Variants in KANK1 observed in about 807,000 individuals in gnomAD.
KANK1 encodes the protein KN motif and ankyrin repeat domain-containing protein 1.
KANK1 carries 109 observed loss-of-function variants against 106.2 expected under a neutral mutation model. The observed-to-expected ratio is 1.03, with a 90% CI of 0.88 to 1.20. The LOEUF is 1.20. Ranked by LOEUF, KANK1 falls within the 50% of genes most tolerant of loss-of-function variation. The pLI is 0.00. For synonymous variants in KANK1, 873 were observed against 652.2 expected (o/e 1.34, Z -5.16); for missense variants, 2,399 against 1,710.7 (o/e 1.40, Z -7.10).
In KANK1 at chr9:738,502, C is replaced by T; in HGVS notation, c.3551C>T (p.Ala1184Val). The T allele has an allele frequency of 6.2e-7, 1 of 1,612,064 alleles. No individual in the cohort carries two copies. The highest frequency in any genetic ancestry group is 8.5e-7 in the Non-Finnish European group (1 of 1,178,112). The part of the protein sequence containing the change: ...NFEIVKLLLD[A>V]DVCNVDHQNK... ...GAGATTGTGAAGCTGCTGTTAGATG[C>T]CGGTATGTTGGCTGCCCTTCCACCC... The change falls in exon 8 of 12, where the codon GCC becomes GTC. Residue 1184 changes from alanine (A) to valine (V), a missense_variant and splice_region_variant. Coordinates refer to ENST00000382297, the MANE Select transcript of KANK1 (RefSeq NM_015158.5).
At chr9:622,405 C>T (rs1833355989) in intron 1 of KANK1, among the ~76,000 whole-genome samples, 1 of 152,048 alleles carries the variant, frequency 6.6e-6, no homozygotes, top group South Asian at 2.1e-4. Context: ...ATGATAAATG[C>T]ATAATGACCT....
intron 2 of KANK1, among the ~76,000 whole-genome samples, chr9:680,071 G>A (rs148868933): frequency 6.6e-6 from 1 of 152,264 alleles, no homozygotes; most frequent in African/African-American, 2.4e-5. Context: ...AAAAGGATAA[G>A]CTATTTGGGT....
At chr9:577,963 T>A (rs1207048338) in intron 1 of KANK1, among the ~76,000 whole-genome samples, 1 of 152,186 alleles carries the variant, frequency 6.6e-6, no homozygotes. Flanking sequence ...TGTTGATCAT[T>A]ACCTGTGCAC....
chr9:690,898 C>CGTCA (rs1819753221), intron 2 of KANK1, among the ~76,000 whole-genome samples: 1 of 152,184 alleles, frequency 6.6e-6, no homozygotes, highest in Non-Finnish European at 1.5e-5. Context: ...TCTCACTGGG[C>CGTCA]GTCACCTTTT....
intron 1 of KANK1, among the ~76,000 whole-genome samples, chr9:622,654 A>G (rs1369880883): frequency 6.6e-6 from 1 of 152,206 alleles, no homozygotes; most frequent in East Asian, 1.9e-4. Flanking sequence ...CTGTAATCCC[A>G]GCACTTTGGG....
chr9:565,215 C>A (rs1464728124), intron 1 of KANK1, among the ~76,000 whole-genome samples: 1 of 152,172 alleles, frequency 6.6e-6, no homozygotes, highest in Non-Finnish European at 1.5e-5. Context: ...TAAGATCTTT[C>A]CCACCCATTC....
intron 1 of KANK1, chr9:539,590 A>C (rs1176132113): frequency 6.6e-6 from 1 of 152,210 alleles, no homozygotes; most frequent in East Asian, 1.9e-4. Flanking sequence ...TCCTGGGCTC[A>C]AGTGATCCTC....
At chr9:489,270 G>C (rs1445752641) in intron 3 of KANK1, among the ~76,000 whole-genome samples, 1 of 151,944 alleles carries the variant, frequency 6.6e-6, no homozygotes, top group African/African-American at 2.4e-5. Flanking sequence ...TTTTGGAAAG[G>C]CCTTTCTGAT....
chr9:603,279 A>T (rs1302615981), intron 1 of KANK1, among the ~76,000 whole-genome samples: 2 of 151,870 alleles, frequency 1.3e-5, no homozygotes, highest in Non-Finnish European at 2.9e-5. Context: ...CTGGCAGATA[A>T]AGCCTAGTAT....
At chr9:512,807 G>A (rs1426251473) in intron 1 of KANK1, among the ~76,000 whole-genome samples, 3 of 152,108 alleles carry the variant, frequency 2.0e-5, no homozygotes, top group Non-Finnish European at 4.4e-5. Flanking sequence ...TTAACTTCCT[G>A]CTAAGGAAGA....
chr9:501,639 CA>C (rs1235853614), upstream of KANK1, among the ~76,000 whole-genome samples: 4 of 151,418 alleles, frequency 2.6e-5, no homozygotes, highest in African/African-American at 7.3e-5. Flanking sequence ...CACACACACA[CA>C]CCCCAATTGC....
chr9:518,013 C>T (rs963408244), intron 1 of KANK1, among the ~76,000 whole-genome samples: 1 of 151,660 alleles, frequency 6.6e-6, no homozygotes, highest in Non-Finnish European at 1.5e-5. Context: ...GCTGGGATTA[C>T]AGGCATGAGC....
At position 522,211 on chromosome 9, in the gene KANK1, T is replaced by C. The variant is rs189471210; in HGVS notation, c.-84+17457T>C. On this transcript the variant is annotated intron_variant, in intron 1 of 11. Transcript: ENST00000382297. ...ATTTAGGTCTCATTTTACGATTCTG[T>C]TTTCCCTTTTGCTGAATTTATTTAT... Among the ~76,000 whole-genome samples the C allele has an allele frequency of 5.3e-5, 8 of 151,992 alleles. No homozygotes were observed. The East Asian group carries it at 1.5e-3, about 29-fold the overall frequency.
intron 1 of KANK1, among the ~76,000 whole-genome samples, chr9:609,104 A>G (rs1830000439): frequency 6.6e-6 from 1 of 151,686 alleles, no homozygotes; most frequent in African/African-American, 2.4e-5. Flanking sequence ...CTAACCCTTC[A>G]GAAAGCTGGC....
At chr9:570,896 A>G (rs902819070) in intron 1 of KANK1, among the ~76,000 whole-genome samples, 1 of 152,206 alleles carries the variant, frequency 6.6e-6, no homozygotes, top group Non-Finnish European at 1.5e-5. Context: ...TGCTATTATA[A>G]TGGGCAGTGA....
intron 1 of KANK1, among the ~76,000 whole-genome samples, chr9:563,628 C>G (rs10491602): frequency 0.035 from 5,284 of 152,216 alleles, 116 homozygotes; most frequent in Non-Finnish European, 0.055. Flanking sequence ...TAGACCCATT[C>G]GTTTCTTATC....
At chr9:678,728 A>T (rs1816901227) in intron 2 of KANK1, among the ~76,000 whole-genome samples, 2 of 152,184 alleles carry the variant, frequency 1.3e-5, no homozygotes, top group South Asian at 4.1e-4. Flanking sequence ...TCCATATCAA[A>T]AAATAAAATA....
chr9:666,357 T>C (rs997638620), intron 1 of KANK1, among the ~76,000 whole-genome samples: 1 of 152,198 alleles, frequency 6.6e-6, no homozygotes, highest in Non-Finnish European at 1.5e-5. Context: ...TCTAATAGTT[T>C]TTTGGTTTTT....
intron 1 of KANK1, among the ~76,000 whole-genome samples, chr9:606,439 T>C (rs2804304): frequency 0.73 from 107,244 of 146,062 alleles, 41,193 homozygotes; most frequent in Non-Finnish European, 0.8. Flanking sequence ...GCCTGTAATC[T>C]CAGCTACTCA....
Sources: allele counts gnomAD v4.1 joint callset (sites outside exome capture counted in the v4.1 genomes callset), GRCh38; gene constraint gnomAD v4.1.1; transcripts MANE v1.5; gene names NCBI Gene and HGNC (gene_info 2026-07-23, HGNC 2026-07-21).